Variants in KCNH1 observed in about 807,000 individuals in gnomAD.
The protein encoded by KCNH1 is voltage-gated delayed rectifier potassium channel KCNH1.
In KCNH1, 27 loss-of-function variants were observed where a neutral mutation model predicts 69.2. That is an observed-to-expected ratio of 0.39 (90% CI 0.29 to 0.54). The LOEUF is 0.54. KCNH1 is among the 20% of genes least tolerant of loss of function. The probability of loss-of-function intolerance (pLI) is 0.68; values close to 1 mark genes in which losing one functional copy is unlikely to be tolerated. For missense variants in KCNH1, 798 were observed against 1,261.6 expected (o/e 0.63, Z 5.57); for synonymous variants, 456 against 487.7 (o/e 0.93, Z 0.86).
chr1:210,760,312 T>G (rs991906083), intron 10 of KCNH1, among the ~76,000 whole-genome samples: 1 of 152,174 alleles, frequency 6.6e-6, no homozygotes, highest in Non-Finnish European at 1.5e-5. Context: ...TTTCATAGTA[T>G]TAGTGTGAAA....
intron 7 of KCNH1, among the ~76,000 whole-genome samples, chr1:210,849,365 CTTT>C (rs150451228): frequency 3.1e-5 from 4 of 128,030 alleles, no homozygotes; most frequent in Admixed American, 8.1e-5. Context: ...TTCTTTCTTT[CTTT>C]TTTTTTTTTT....
At position 210,975,530 on chromosome 1, in the gene KCNH1, G is replaced by T. The variant is rs535195648; in HGVS notation, c.1032+43253C>A. Among the ~76,000 whole-genome samples, 51 of 152,284 alleles carry T rather than the reference G, an allele frequency of 3.3e-4. 1 individual carries two copies. Among genetic ancestry groups the T allele is most frequent in the African/African-American group, 1.2e-3 (51 of 41,556 alleles). ...TTCCCTATTTAATAAATGGTGATGG[G>T]GAAACTGGCTAGCCATATGTAGAAA... is the stretch of plus-strand genomic sequence containing the variant. On this transcript the variant is annotated intron_variant, in intron 6 of 10. Coordinates refer to ENST00000271751, the MANE Select transcript of KCNH1 (RefSeq NM_172362.3).
intron 10 of KCNH1, among the ~76,000 whole-genome samples, chr1:210,765,440 A>G (rs1370345539): frequency 1.3e-5 from 2 of 152,226 alleles, no homozygotes; most frequent in African/African-American, 4.8e-5. Flanking sequence ...GGGCTTGGTG[A>G]TTGCCAGGCT....
chr1:210,961,694 G>T (rs1258178554), intron 6 of KCNH1, among the ~76,000 whole-genome samples: 7 of 152,046 alleles, frequency 4.6e-5, no homozygotes, highest in Non-Finnish European at 1.0e-4. Flanking sequence ...TAAAAAATTA[G>T]CCAGGCATGG....
At chr1:210,915,969 C>G (rs1202127709) in intron 7 of KCNH1, among the ~76,000 whole-genome samples, 1 of 152,094 alleles carries the variant, frequency 6.6e-6, no homozygotes, top group Middle Eastern at 3.2e-3. Flanking sequence ...AACCCACTGG[C>G]TTTTTGTCTC....
chr1:211,120,087 A>C (rs1422258457), intron 1 of KCNH1, among the ~76,000 whole-genome samples: 1 of 152,220 alleles, frequency 6.6e-6, no homozygotes, highest in Non-Finnish European at 1.5e-5. Flanking sequence ...ATAAGAGATC[A>C]GTGATATCTT....
chr1:210,759,876 C>T (rs1239758317), intron 10 of KCNH1, among the ~76,000 whole-genome samples: 1 of 152,166 alleles, frequency 6.6e-6, no homozygotes, highest in Non-Finnish European at 1.5e-5. Flanking sequence ...CCCCTGGAGC[C>T]ATGACTGGTA....
intron 10 of KCNH1, among the ~76,000 whole-genome samples, chr1:210,733,949 TCACA>T (rs142236390): frequency 0.17 from 13,354 of 80,234 alleles, 659 homozygotes; most frequent in East Asian, 0.33. Flanking sequence ...TCTGTCTGTC[TCACA>T]CACACACACA....
chr1:210,994,762 G>A (rs1158826438), intron 6 of KCNH1, among the ~76,000 whole-genome samples: 1 of 152,152 alleles, frequency 6.6e-6, no homozygotes, highest in Non-Finnish European at 1.5e-5. Flanking sequence ...TTATACCCCA[G>A]TAGATGTGCA....
At position 211,103,569 on chromosome 1, in the gene KCNH1, C is replaced by A. The variant is rs372470791; in HGVS notation, c.237G>T (p.Thr79=). ...FMYGELTDKD[T]IEKVRQTFEN... ...CAAATGTTTGCCGCACTTTTTCAAT[C>A]GTGTCTTTATCAGTCAGCTCCCCAT... Residue 79 remains threonine (T), a synonymous_variant, in exon 3 of 11, where the codon ACG becomes ACT. Transcript: ENST00000271751. 1.4e-5 allele frequency: 23 copies of A among 1,613,124 alleles called. No individual in the cohort carries two copies. Among genetic ancestry groups the A allele is most frequent in the Non-Finnish European group, 1.9e-5 (23 of 1,179,608 alleles).
chr1:210,745,612 C>T (rs903230392), intron 10 of KCNH1, among the ~76,000 whole-genome samples: 1 of 152,168 alleles, frequency 6.6e-6, no homozygotes, highest in Non-Finnish European at 1.5e-5. Flanking sequence ...CTGGAAAGTA[C>T]CACCACTTTA....
intron 9 of KCNH1, among the ~76,000 whole-genome samples, chr1:210,785,398 T>G (rs921991610): frequency 1.2e-5 from 1 of 81,988 alleles, no homozygotes; most frequent in Admixed American, 1.1e-4. Context: ...TCTTACTCTG[T>G]TTTTTTTTTT....
intron 5 of KCNH1, among the ~76,000 whole-genome samples, chr1:211,020,970 T>C (rs1012702531): frequency 6.6e-6 from 1 of 152,106 alleles, no homozygotes; most frequent in Non-Finnish European, 1.5e-5. Flanking sequence ...AAATGAGGTA[T>C]AGAAGAAAGG....
At chr1:210,953,602 C>T (rs968726443) in intron 6 of KCNH1, among the ~76,000 whole-genome samples, 1 of 152,172 alleles carries the variant, frequency 6.6e-6, no homozygotes, top group African/African-American at 2.4e-5. Flanking sequence ...CTCCCTGGCT[C>T]AGGTGTAACC....
At chr1:210,782,722 G>A (rs558928581) in intron 9 of KCNH1, among the ~76,000 whole-genome samples, 50 of 151,256 alleles carry the variant, frequency 3.3e-4, no homozygotes, top group South Asian at 2.7e-3. Context: ...GTGAAACTCC[G>A]TCTCAAAAAA....
chr1:211,047,154 C>G (rs1029707024), intron 5 of KCNH1, among the ~76,000 whole-genome samples: 2 of 152,152 alleles, frequency 1.3e-5, no homozygotes, highest in South Asian at 4.1e-4. Context: ...TCAATTCAGA[C>G]AAGCCACATC....
chr1:210,682,287 G>A lies in KCNH1; in HGVS notation c.*994C>T, dbSNP rs970123540. The A allele has an allele frequency of 6.6e-6, 1 of 152,220 alleles. No individual in the cohort carries two copies. Among genetic ancestry groups the A allele is most frequent in the Non-Finnish European group, 1.5e-5 (1 of 68,042 alleles). 9.4% of individuals were successfully genotyped at this position (152,220 alleles called of 1,614,324 possible). On this transcript the variant is annotated 3_prime_UTR_variant, in exon 11 of 11. Transcript: ENST00000271751. Reference sequence around the variant, plus strand: ...CAAAGGTCTGCAGGGCAATCCCAATGAGAATCAAAGTATAAACATAGCACT... The same window carrying A: ...CAAAGGTCTGCAGGGCAATCCCAATAAGAATCAAAGTATAAACATAGCACT...
At chr1:210,721,591 G>C (rs1682460410) in intron 10 of KCNH1, among the ~76,000 whole-genome samples, 1 of 152,122 alleles carries the variant, frequency 6.6e-6, no homozygotes, top group Non-Finnish European at 1.5e-5. Context: ...ATTTTTCCCA[G>C]GCACAAGGCA....
chr1:210,873,933 A>G (rs933223096), intron 7 of KCNH1, among the ~76,000 whole-genome samples: 1 of 152,198 alleles, frequency 6.6e-6, no homozygotes, highest in Non-Finnish European at 1.5e-5. Flanking sequence ...AAGCTTCTAC[A>G]TGATTCTAAT....
Sources: allele counts gnomAD v4.1 joint callset (sites outside exome capture counted in the v4.1 genomes callset), GRCh38; gene constraint gnomAD v4.1.1; transcripts MANE v1.5; gene names NCBI Gene and HGNC (gene_info 2026-07-23, HGNC 2026-07-21).